The following SASH1 variants were observed in gnomAD, a reference collection of about 807,000 sequenced individuals.
The protein encoded by SASH1 is SAM and SH3 domain-containing protein 1.
SASH1 carries 44 observed loss-of-function variants against 125.2 expected under a neutral mutation model. The ratio of observed to expected loss-of-function variants is 0.35; its 90% confidence interval spans 0.28 to 0.45. SASH1 has a LOEUF of 0.45. Among genes scored for constraint, SASH1 ranks in the 20% least tolerant of loss-of-function variants. The pLI is 1.00. For missense variants in SASH1, 1,426 were observed against 1,614.5 expected (o/e 0.88, Z 2.00); for synonymous variants, 639 against 649.1 (o/e 0.98, Z 0.24).
intron 16 of SASH1, among the ~76,000 whole-genome samples, chr6:148,536,453 C>T (rs1781852706): frequency 6.6e-6 from 1 of 152,192 alleles, no homozygotes; most frequent in African/African-American, 2.4e-5. Flanking sequence ...AATTCTCCTG[C>T]CTCAGCCTCC....
At chr6:148,491,550 G>A (rs575910139) in intron 8 of SASH1, among the ~76,000 whole-genome samples, 86 of 152,292 alleles carry the variant, frequency 5.6e-4, no homozygotes, top group Non-Finnish European at 1.1e-3. Context: ...GATTACAGGC[G>A]TGAGCCACCG....
chr6:148,482,300 C>T lies in SASH1; in HGVS notation c.628-5314C>T, dbSNP rs552875356. ...TATGAAATTGAGAGAGATCTATGAC[C>T]GTGATTTAATAATCACATTTCCTTA... On this transcript the variant is annotated intron_variant, in intron 7 of 19. Coordinates refer to ENST00000367467, the MANE Select transcript of SASH1 (RefSeq NM_015278.5). 1.2e-4 allele frequency among the ~76,000 whole-genome samples: 19 copies of T among 152,168 alleles called. No individual in the cohort carries two copies. In the East Asian group the frequency reaches 1.5e-3, roughly 12 times the overall value.
chr6:148,209,036 G>A, the SASH1 span, among the ~76,000 whole-genome samples: 2 of 152,114 alleles, frequency 1.3e-5, no homozygotes, highest in East Asian at 1.9e-4. Context: ...TGTGCAAAAG[G>A]CACAAATAGT....
At chr6:148,290,563 G>A (rs544642475) in intron 1 of SASH1, among the ~76,000 whole-genome samples, 1 of 152,162 alleles carries the variant, frequency 6.6e-6, no homozygotes, top group South Asian at 2.1e-4. Context: ...CCAAGATCGT[G>A]CCACTGCACT....
At chr6:148,339,528 T>TATATTTA (rs1371725233), upstream of SASH1, among the ~76,000 whole-genome samples, 25 of 150,866 alleles carry the variant, frequency 1.7e-4, no homozygotes, top group African/African-American at 6.1e-4. Flanking sequence ...AGATATATAA[T>TATATTTA]TATAAATATA....
At chr6:148,243,254 C>A in the SASH1 span, among the ~76,000 whole-genome samples, 2 of 152,080 alleles carry the variant, frequency 1.3e-5, no homozygotes, top group African/African-American at 4.8e-5. Context: ...AGTTCAAGAC[C>A]GGCCTGACCA....
intron 5 of SASH1, among the ~76,000 whole-genome samples, chr6:148,470,688 G>T (rs1778059619): frequency 6.6e-6 from 1 of 152,192 alleles, no homozygotes; most frequent in Non-Finnish European, 1.5e-5. Context: ...ATCTGGAAAG[G>T]ATCGGGGGTG....
the SASH1 span, among the ~76,000 whole-genome samples, chr6:148,207,718 C>G: frequency 6.6e-6 from 1 of 152,158 alleles, no homozygotes; most frequent in Non-Finnish European, 1.5e-5. Context: ...AACATCTAAA[C>G]TGTATTAATA....
At chr6:148,448,428 A>G (rs1776912176) in intron 4 of SASH1, among the ~76,000 whole-genome samples, 1 of 152,122 alleles carries the variant, frequency 6.6e-6, no homozygotes, top group Non-Finnish European at 1.5e-5. Context: ...TTCAGAGGTC[A>G]GTGGCTTCAT....
chr6:148,353,086 A>G (rs2114672935), intron 1 of SASH1, among the ~76,000 whole-genome samples: 1 of 152,084 alleles, frequency 6.6e-6, no homozygotes, highest in Admixed American at 6.6e-5. Context: ...TTTGTTTTTC[A>G]GAGGCAGGGT....
upstream of SASH1, among the ~76,000 whole-genome samples, chr6:148,340,440 GCCACTGCACT>G (rs1781286614): frequency 6.6e-6 from 1 of 150,896 alleles, no homozygotes; most frequent in African/African-American, 2.4e-5. Context: ...CCAAGATGGT[GCCACTGCACT>G]CCAGCCTGGG....
chr6:148,441,711 G>A (rs1374635401), intron 4 of SASH1, among the ~76,000 whole-genome samples: 5 of 152,178 alleles, frequency 3.3e-5, no homozygotes, highest in Admixed American at 1.3e-4. Flanking sequence ...TTCAGGAAAC[G>A]AGAAATGTTT....
the SASH1 span, among the ~76,000 whole-genome samples, chr6:148,230,464 C>T: frequency 6.6e-6 from 1 of 152,218 alleles, no homozygotes; most frequent in East Asian, 1.9e-4. Flanking sequence ...AGGTGGGTGC[C>T]ACTGCTCCTA....
intron 10 of SASH1, among the ~76,000 whole-genome samples, chr6:148,521,552 G>T (rs932308325): frequency 6.6e-6 from 1 of 152,120 alleles, no homozygotes; most frequent in Non-Finnish European, 1.5e-5. Flanking sequence ...CTTATTTTCT[G>T]TCCTTTCATA....
chr6:148,452,616 C>CA (rs1777153651), intron 4 of SASH1, among the ~76,000 whole-genome samples: 1 of 152,174 alleles, frequency 6.6e-6, no homozygotes, highest in Non-Finnish European at 1.5e-5. Flanking sequence ...AAAGCATGCA[C>CA]AAAAACAGCT....
chr6:148,506,775 G>A (rs1253960474), intron 8 of SASH1, among the ~76,000 whole-genome samples: 2 of 152,114 alleles, frequency 1.3e-5, no homozygotes, highest in Non-Finnish European at 2.9e-5. Context: ...GAATTTGGTG[G>A]AAAATGTCTA....
intron 1 of SASH1, among the ~76,000 whole-genome samples, chr6:148,296,127 TTTGTTG>T (rs10625869): frequency 3.3e-5 from 5 of 151,512 alleles, no homozygotes; most frequent in African/African-American, 9.7e-5. Context: ...TGTTTTTGTT[TTTGTTG>T]TTGTTGTTTT....
intron 8 of SASH1, chr6:148,513,838 C>T: frequency 2.0e-6 from 2 of 986,456 alleles, no homozygotes; most frequent in Non-Finnish European, 2.4e-6. Context: ...TTTCCCTTTC[C>T]TGCCCTGCTG....
chr6:148,219,980 G>A, the SASH1 span, among the ~76,000 whole-genome samples: 1 of 152,176 alleles, frequency 6.6e-6, no homozygotes, highest in East Asian at 1.9e-4. Context: ...AGGTGAAATA[G>A]GACATGCACT....
Sources: allele counts gnomAD v4.1 joint callset (sites outside exome capture counted in the v4.1 genomes callset), GRCh38; gene constraint gnomAD v4.1.1; transcripts MANE v1.5; gene names NCBI Gene and HGNC (gene_info 2026-07-23, HGNC 2026-07-21).